Variants in OR2Z1 observed in about 807,000 individuals in gnomAD.
The protein encoded by OR2Z1 is olfactory receptor 2Z1.
For missense variants in OR2Z1, 449 were observed against 401.8 expected, an observed-to-expected ratio of 1.12 and a Z score of -1.00; for synonymous variants, 188 against 160.6, an observed-to-expected ratio of 1.17 and a Z score of -1.29.
intron 2 of OR2Z1, among the ~76,000 whole-genome samples, chr19:8,725,958 C>G (rs1235865953): frequency 2.8e-5 from 4 of 140,944 alleles, no homozygotes; most frequent in African/African-American, 9.8e-5. Context: ...GAGGGAGGTG[C>G]TACACACTTT....
intron 2 of OR2Z1, among the ~76,000 whole-genome samples, chr19:8,723,829 G>C (rs2043316201): frequency 6.6e-6 from 1 of 152,112 alleles, no homozygotes; most frequent in African/African-American, 2.4e-5. Context: ...TGAAACCAGG[G>C]GAAATGCCAG....
At chr19:8,727,501 A>G (rs1204682984) in intron 2 of OR2Z1, among the ~76,000 whole-genome samples, 7 of 152,192 alleles carry the variant, frequency 4.6e-5, no homozygotes, top group Non-Finnish European at 1.0e-4. Flanking sequence ...GCATGTATAC[A>G]TATGTAACAA....
rs1555756774 is a variant in OR2Z1 at position 8,731,513 on chromosome 19, T to C, written c.485T>C (p.Ile162Thr). 6.2e-7 allele frequency: 1 copy of C among 1,614,078 alleles called. No individual in the cohort carries two copies. Among genetic ancestry groups the C allele is most frequent in the Non-Finnish European group, 8.5e-7 (1 of 1,180,024 alleles). ...GVLNASIQTS[I>T]TLHFPYCASR... The stretch of plus-strand genomic sequence containing the variant: ...CTCAACGCCTCCATCCAGACCTCCA[T>C]CACCCTGCATTTTCCCTACTGTGCC... Residue 162 changes from isoleucine to threonine, a missense_variant, in exon 3 of 3, where the codon ATC becomes ACC. Coordinates refer to ENST00000641125, the MANE Select transcript of OR2Z1 (RefSeq NM_001004699.3).
In OR2Z1 at chr19:8,731,001, C is replaced by T. The variant is rs142672937; in HGVS notation, c.-28C>T. The T allele has an allele frequency of 5.7e-4, 899 of 1,578,444 alleles. 11 individuals carry two copies. In the East Asian group the frequency reaches 0.018, roughly 31 times the overall value. The stretch of plus-strand genomic sequence containing the variant: ...TTCTTGCCATAGTTCAGCTGTTCTT[C>T]CTGCAGCTAAAGTGCATTGTGTAAA... On this transcript the variant is annotated 5_prime_UTR_variant, in exon 3 of 3. Transcript: ENST00000641125.
intron 2 of OR2Z1, among the ~76,000 whole-genome samples, chr19:8,724,852 G>A (rs1459660277): frequency 1.3e-5 from 2 of 152,168 alleles, no homozygotes; most frequent in African/African-American, 4.8e-5. Context: ...AGCTGGAGGA[G>A]TGGGTGTGAA....
At chr19:8,727,913 G>T (rs2043334407) in intron 2 of OR2Z1, among the ~76,000 whole-genome samples, 1 of 152,190 alleles carries the variant, frequency 6.6e-6, no homozygotes. Context: ...CCTCAATTGG[G>T]TTGAGCAGGG....
At chr19:8,723,533 G>A (rs191612268) in intron 2 of OR2Z1, among the ~76,000 whole-genome samples, 22 of 152,072 alleles carry the variant, frequency 1.4e-4, no homozygotes, top group African/African-American at 5.1e-4. Flanking sequence ...TCTGACTCCC[G>A]TACATCTTTG....
intron 2 of OR2Z1, among the ~76,000 whole-genome samples, chr19:8,723,993 T>C (rs1349978152): frequency 3.6e-5 from 5 of 139,428 alleles, no homozygotes; most frequent in Admixed American, 2.7e-4. Flanking sequence ...TGTGTGTGTG[T>C]GTGTGTGTGT....
At chr19:8,723,613 C>CAT (rs1555755866) in intron 2 of OR2Z1, among the ~76,000 whole-genome samples, 4 of 150,436 alleles carry the variant, frequency 2.7e-5, no homozygotes, top group South Asian at 2.1e-4. Flanking sequence ...ACATACAGTG[C>CAT]GTGTGTGTGT....
At chr19:8,723,530 C>A (rs1555755856) in intron 2 of OR2Z1, among the ~76,000 whole-genome samples, 1 of 152,160 alleles carries the variant, frequency 6.6e-6, no homozygotes, top group East Asian at 1.9e-4. Context: ...TTATCTGACT[C>A]CCGTACATCT....
At chr19:8,724,055 A>AGT (rs2043317855) in intron 2 of OR2Z1, among the ~76,000 whole-genome samples, 2 of 150,618 alleles carry the variant, frequency 1.3e-5, no homozygotes. Flanking sequence ...TATCTATTAC[A>AGT]GTGTTTGGAG....
chr19:8,728,676 G>GTT (rs148970559), intron 2 of OR2Z1: 172 of 443,456 alleles, frequency 3.9e-4, no homozygotes, highest in South Asian at 7.7e-4. Flanking sequence ...CCAATAGGTA[G>GTT]TTTTTTTTTT....
rs899471990 is a variant in OR2Z1, at chr19:8,722,017, C to T, written c.-240C>T. 6.6e-6 allele frequency: 1 copy of T among 152,150 alleles called. No individual in the cohort carries two copies. The highest frequency in any genetic ancestry group is 2.4e-5 in the African/African-American group (1 of 41,426). The allele number at this position is 152,150 out of a possible 1,614,324, so 9.4% of individuals were successfully genotyped here. On this transcript the variant is annotated 5_prime_UTR_variant, in exon 1 of 3. Coordinates refer to ENST00000641125, the MANE Select transcript of OR2Z1 (RefSeq NM_001004699.3). Reference sequence around the variant, plus strand: ...CAAACTGGGTTCAAATCCCAGTCTACCCTCTTCTTAGCTGTGTGACTTTAG... The same window carrying T: ...CAAACTGGGTTCAAATCCCAGTCTATCCTCTTCTTAGCTGTGTGACTTTAG...
Position 8,731,622 on chromosome 19 carries a change from G to A in OR2Z1, c.594G>A (p.Ala198=). The A allele has an allele frequency of 6.2e-7, 1 of 1,613,952 alleles. No individual in the cohort carries two copies. The highest frequency in any genetic ancestry group is 8.5e-7 in the Non-Finnish European group (1 of 1,179,974). The change falls in exon 3 of 3, where the codon GCG becomes GCA. Residue 198 remains alanine, a synonymous_variant. Transcript: ENST00000641125. The part of the protein sequence containing the change: ...SCADTCAYEM[A]LSTSGVLILM... Reference sequence around the variant, plus strand: ...CAGATACCTGTGCCTACGAGATGGCGCTGTCCACCTCAGGGGTGCTGATCC... The same window carrying A: ...CAGATACCTGTGCCTACGAGATGGCACTGTCCACCTCAGGGGTGCTGATCC...
Position 8,731,971 on chromosome 19 carries a change from T to C in OR2Z1, c.943T>C (p.Ter315ArgextTer7), listed in dbSNP as rs1208345822. ...CAGAGCTGGACTCAGGCAAATGTGC[T>C]GACTACATAGAAACTGCTGGTGAGA... ...LSRAGLRQMC[*>R] Residue 315 changes from the stop codon to arginine (R), a stop_lost, in exon 3 of 3, where the codon TGA (stop) becomes CGA (arginine). Coordinates refer to ENST00000641125, the MANE Select transcript of OR2Z1 (RefSeq NM_001004699.3). 3.7e-6 allele frequency: 6 copies of C among 1,609,806 alleles called. No individual in the cohort carries two copies. Among genetic ancestry groups the C allele is most frequent in the Non-Finnish European group, 4.2e-6 (5 of 1,177,090 alleles).
At chr19:8,723,400 T>C (rs916893944) in intron 2 of OR2Z1, among the ~76,000 whole-genome samples, 1 of 152,136 alleles carries the variant, frequency 6.6e-6, no homozygotes, top group African/African-American at 2.4e-5. Context: ...TTTCATCCCC[T>C]GGGTACCCAA....
In OR2Z1 at chr19:8,731,974, C is replaced by A; in HGVS notation, c.*1C>A. 3 of 1,607,238 alleles carry A rather than the reference C, an allele frequency of 1.9e-6. No homozygotes were observed. The highest frequency in any genetic ancestry group is 1.7e-6 in the Non-Finnish European group (2 of 1,175,170). ...AGCTGGACTCAGGCAAATGTGCTGA[C>A]TACATAGAAACTGCTGGTGAGATTC... On this transcript the variant is annotated 3_prime_UTR_variant, in exon 3 of 3. Transcript: ENST00000641125.
At chr19:8,723,346 C>A (rs1331485921) in intron 2 of OR2Z1, among the ~76,000 whole-genome samples, 196 bp downstream of exon 2, 1 of 152,090 alleles carries the variant, frequency 6.6e-6, no homozygotes, top group African/African-American at 2.4e-5. Flanking sequence ...AACTTCCATG[C>A]CTCCTTCTCT....
At chr19:8,729,068 G>A in intron 2 of OR2Z1, 1 of 1,140,956 alleles carries the variant, frequency 8.8e-7, no homozygotes, top group Non-Finnish European at 1.3e-6. Context: ...TGGGCTGCTG[G>A]AAGGTGGGTG....
Sources: allele counts gnomAD v4.1 joint callset (sites outside exome capture counted in the v4.1 genomes callset), GRCh38; gene constraint gnomAD v4.1.1; transcripts MANE v1.5; gene names NCBI Gene and HGNC (gene_info 2026-07-23, HGNC 2026-07-21).